PTPRT: variants seen among roughly 807,000 people sequenced by gnomAD.
The protein encoded by PTPRT is receptor-type tyrosine-protein phosphatase T.
In PTPRT, 56 loss-of-function variants were observed where a neutral mutation model predicts 176.8. The observed-to-expected ratio is 0.32, with a 90% confidence interval of 0.26 to 0.40. The LOEUF is 0.40. PTPRT is among the 10% of genes least tolerant of loss of function. PTPRT has a pLI of 1.00. For missense variants in PTPRT, 1,540 were observed against 1,908.2 expected, an observed-to-expected ratio of 0.81 and a Z score of 3.60; for synonymous variants, 783 against 739.0, an observed-to-expected ratio of 1.06 and a Z score of -0.96.
intron 6 of PTPRT, among the ~76,000 whole-genome samples, chr20:42,743,984 G>A (rs191338266): frequency 9.8e-5 from 15 of 152,294 alleles, no homozygotes; most frequent in South Asian, 4.1e-4. Flanking sequence ...ACCCACCTGC[G>A]GTTGGAGTCA....
intron 6 of PTPRT, among the ~76,000 whole-genome samples, chr20:42,751,394 G>A (rs2076767987): frequency 6.6e-6 from 1 of 152,220 alleles, no homozygotes; most frequent in Non-Finnish European, 1.5e-5. Flanking sequence ...TCCCGATCCA[G>A]TAGGGGTGAA....
chr20:42,244,709 T>C (rs991256395), intron 14 of PTPRT, among the ~76,000 whole-genome samples: 7 of 152,214 alleles, frequency 4.6e-5, no homozygotes, highest in Non-Finnish European at 7.3e-5. Context: ...AATCGAGCTA[T>C]ATGAAACTTG....
In PTPRT at chr20:42,075,099, C is replaced by T. The variant is rs2146053933; in HGVS notation, c.*5780G>A. On this transcript the variant is annotated 3_prime_UTR_variant, in exon 31 of 31. Coordinates refer to ENST00000373187, the MANE Select transcript of PTPRT (RefSeq NM_007050.6). Reference sequence around the variant, plus strand: ...GCCAAGGCCTTGCATTCTATCACTTCTAGACATGTATACATGGAAAACCTC... The same window carrying T: ...GCCAAGGCCTTGCATTCTATCACTTTTAGACATGTATACATGGAAAACCTC... The T allele has an allele frequency of 8.2e-6, 3 of 364,628 alleles. No homozygotes were observed. Among genetic ancestry groups the T allele is most frequent in the Middle Eastern group, 7.0e-4 (1 of 1,426 alleles). 22.6% of individuals were successfully genotyped at this position (364,628 alleles called of 1,614,324 possible). A position where few individuals can be genotyped will look rare whatever the true frequency, so the allele number is the denominator to read the frequency against.
intron 17 of PTPRT, among the ~76,000 whole-genome samples, chr20:42,147,966 G>A (rs1374532290): frequency 6.6e-6 from 1 of 151,930 alleles, no homozygotes; most frequent in Non-Finnish European, 1.5e-5. Context: ...AATATGAGGG[G>A]GAAAAGTATG....
At chr20:42,590,234 G>A (rs578037302) in intron 7 of PTPRT, among the ~76,000 whole-genome samples, 1 of 152,206 alleles carries the variant, frequency 6.6e-6, no homozygotes, top group South Asian at 2.1e-4. Context: ...GAGGAGTCTG[G>A]CTTATATATA....
chr20:42,376,880 G>A (rs576539625), intron 9 of PTPRT, among the ~76,000 whole-genome samples: 2 of 152,208 alleles, frequency 1.3e-5, no homozygotes, highest in South Asian at 2.1e-4. Flanking sequence ...CTTGAAAGGC[G>A]CGATAAGGAA....
At chr20:42,623,799 C>T (rs2074242418) in intron 7 of PTPRT, among the ~76,000 whole-genome samples, 1 of 151,620 alleles carries the variant, frequency 6.6e-6, no homozygotes, top group Admixed American at 6.6e-5. Context: ...TGTGTTCCCA[C>T]ACCCAGCCTT....
chr20:43,095,435 C>T (rs2012093479), intron 1 of PTPRT, among the ~76,000 whole-genome samples: 1 of 152,084 alleles, frequency 6.6e-6, no homozygotes, highest in South Asian at 2.1e-4. Flanking sequence ...TGTGATCACA[C>T]CCAAGGCCTA....
At chr20:42,648,820 G>GTTGTTTTTTTTTTTGTTTT (rs1310734163) in intron 7 of PTPRT, among the ~76,000 whole-genome samples, 1 of 111,834 alleles carries the variant, frequency 8.9e-6, no homozygotes, top group African/African-American at 3.7e-5. Flanking sequence ...TGGTGTCGTT[G>GTTGTTTTTTTTTTTGTTTT]TTTTTTTTTT....
intron 7 of PTPRT, among the ~76,000 whole-genome samples, chr20:42,612,382 C>G (rs1057468075): frequency 1.3e-5 from 2 of 152,282 alleles, no homozygotes; most frequent in South Asian, 4.1e-4. Context: ...AAACACCCCC[C>G]ACCCCAACCC....
intron 1 of PTPRT, among the ~76,000 whole-genome samples, chr20:42,909,397 A>T (rs1224368298): frequency 6.6e-6 from 1 of 152,220 alleles, no homozygotes; most frequent in African/African-American, 2.4e-5. Context: ...GAGTGGAATC[A>T]TAATAGTCTT....
intron 1 of PTPRT, among the ~76,000 whole-genome samples, chr20:43,026,907 T>C (rs950425154): frequency 2.0e-5 from 3 of 152,224 alleles, no homozygotes; most frequent in African/African-American, 7.2e-5. Context: ...TGGTATCTCA[T>C]TCTTTTTTAT....
intron 7 of PTPRT, among the ~76,000 whole-genome samples, chr20:42,620,864 C>T (rs558774239): frequency 6.4e-4 from 98 of 152,278 alleles, no homozygotes; most frequent in African/African-American, 2.1e-3. Context: ...GAGATAAACC[C>T]GGTACCTCAG....
At chr20:42,069,689 A>C (rs903189703), downstream of PTPRT, among the ~76,000 whole-genome samples, 2 of 152,222 alleles carry the variant, frequency 1.3e-5, no homozygotes, top group African/African-American at 4.8e-5. Flanking sequence ...GTTGTTTTTC[A>C]TACATTTATA....
chr20:43,130,038 G>A (rs552574670), intron 1 of PTPRT, among the ~76,000 whole-genome samples: 23 of 152,214 alleles, frequency 1.5e-4, no homozygotes, highest in East Asian at 1.2e-3. Context: ...GTTGATCTAC[G>A]TAACAAAAAC....
intron 7 of PTPRT, among the ~76,000 whole-genome samples, chr20:42,544,873 C>G (rs1032758657): frequency 6.6e-6 from 1 of 152,150 alleles, no homozygotes; most frequent in Non-Finnish European, 1.5e-5. Flanking sequence ...AGGCTGGTCT[C>G]GAACTTCTGA....
intron 7 of PTPRT, among the ~76,000 whole-genome samples, chr20:42,639,646 G>A (rs1054386380): frequency 1.1e-4 from 17 of 151,992 alleles, no homozygotes; most frequent in African/African-American, 4.1e-4. Context: ...CAGTCTTCTG[G>A]GCTTTCCAAG....
Position 42,199,432 on chromosome 20 carries a change from C to T in PTPRT, c.2343-44G>A, listed in dbSNP as rs761125628. ...GGGAAAAAACCACAGTCAGATGGTG[C>T]CAGTTGCATTAAAGCATTGGGTAGA... On this transcript the variant is annotated intron_variant, in intron 15 of 30. Transcript: ENST00000373187. The T allele has an allele frequency of 3.1e-6, 5 of 1,597,760 alleles. No homozygotes were observed. In the South Asian group the frequency reaches 5.6e-5, roughly 18 times the overall value.
At chr20:42,932,439 C>A (rs1401948498) in intron 1 of PTPRT, among the ~76,000 whole-genome samples, 1 of 152,098 alleles carries the variant, frequency 6.6e-6, no homozygotes, top group Non-Finnish European at 1.5e-5. Flanking sequence ...AAGCTGCAGC[C>A]CAGAAGAAGA....
Sources: gnomAD v4.1 joint callset for allele counts (sites outside exome capture counted in the v4.1 genomes callset) on GRCh38, gnomAD v4.1.1 for gene constraint, MANE v1.5 for transcripts, NCBI Gene and HGNC (gene_info 2026-07-23, HGNC 2026-07-21) for gene names.